FMN2: variants seen among roughly 807,000 people sequenced by gnomAD.
FMN2 encodes the protein formin 2.
In FMN2, 51 loss-of-function variants were observed where a neutral mutation model predicts 142.3. The observed-to-expected ratio is 0.36, with a 90% CI of 0.29 to 0.45. FMN2 has a LOEUF of 0.45. Among genes scored for constraint, FMN2 ranks in the 20% least tolerant of loss-of-function variants. The probability of loss-of-function intolerance (pLI) is 1.00; values close to 1 mark genes in which losing one functional copy is unlikely to be tolerated. For synonymous variants in FMN2, 882 were observed against 869.8 expected (o/e 1.01, Z -0.25); for missense variants, 1,936 against 2,122.8 (o/e 0.91, Z 1.73).
intron 4 of FMN2, among the ~76,000 whole-genome samples, chr1:240,199,642 G>A (rs1234211761): frequency 6.6e-6 from 1 of 152,158 alleles, no homozygotes; most frequent in African/African-American, 2.4e-5. Context: ...CAGGAATGGA[G>A]GAATTTTGGC....
chr1:240,344,874 C>T (rs1335472367), intron 13 of FMN2, among the ~76,000 whole-genome samples: 1 of 152,114 alleles, frequency 6.6e-6, no homozygotes, highest in Admixed American at 6.6e-5. Flanking sequence ...ATACTTTGCA[C>T]AAATGTTTGC....
In FMN2 at chr1:240,207,023, G is replaced by A. The variant is rs1249783646; in HGVS notation, c.2211G>A (p.Arg737=). The A allele has an allele frequency of 1.9e-6, 3 of 1,614,048 alleles. No individual in the cohort carries two copies. Among genetic ancestry groups the A allele is most frequent in the Non-Finnish European group, 2.5e-6 (3 of 1,180,010 alleles). The part of the protein sequence containing the change: ...RLEEKEVRHH[R]ILEAKSIQTS... ...AAGAAAAGGAAGTACGGCATCATAG[G>A]ATTTTAGAGGCGAAATCGATACAGA... The change falls in exon 5 of 18, where the codon AGG becomes AGA. Residue 737 remains arginine (R), a synonymous_variant. Transcript: ENST00000319653.
intron 16 of FMN2, among the ~76,000 whole-genome samples, chr1:240,462,712 C>A (rs1268135444): frequency 2.0e-5 from 3 of 152,114 alleles, no homozygotes; most frequent in Non-Finnish European, 4.4e-5. Context: ...ATAAAGATGA[C>A]TATACATGAC....
chr1:240,416,997 G>C (rs1461964034), intron 15 of FMN2, among the ~76,000 whole-genome samples: 1 of 151,472 alleles, frequency 6.6e-6, no homozygotes, highest in Non-Finnish European at 1.5e-5. Context: ...TTGTTGTTCA[G>C]TTATAACTTT....
chr1:240,143,663 C>T (rs1219552091), intron 2 of FMN2: 10 of 1,609,896 alleles, frequency 6.2e-6, no homozygotes, highest in South Asian at 1.1e-5. Flanking sequence ...AGGATTGCCT[C>T]GATGGCCTCA....
chr1:240,193,689 G>C (rs1199722101), intron 4 of FMN2, among the ~76,000 whole-genome samples: 2 of 152,238 alleles, frequency 1.3e-5, no homozygotes, highest in Non-Finnish European at 2.9e-5. Flanking sequence ...CTTCTCCCGG[G>C]CCTCCTTGGC....
Position 240,093,847 on chromosome 1 carries a change from G to T in FMN2, c.1615+123G>T, listed in dbSNP as rs146447052. On this transcript the variant is annotated intron_variant, in intron 1 of 17. Coordinates refer to ENST00000319653, the MANE Select transcript of FMN2 (RefSeq NM_020066.5). ...CCTGGTAGTGGCACATCTCTTCTCC[G>T]TAGGGAATCCTTTTCCGCCCAGCGA... 905 of 606,438 alleles carry T rather than the reference G, an allele frequency of 1.5e-3. 11 individuals carry two copies. In the African/African-American group the frequency reaches 0.016, roughly 11 times the overall value. 37.6% of individuals were successfully genotyped at this position (606,438 alleles called of 1,614,324 possible).
intron 8 of FMN2, among the ~76,000 whole-genome samples, chr1:240,323,603 G>A (rs1032417995): frequency 1.3e-5 from 2 of 152,144 alleles, no homozygotes; most frequent in Non-Finnish European, 2.9e-5. Context: ...GATCATCCAC[G>A]TGAAAGATCT....
rs1394168286 is a variant in FMN2, at chr1:240,355,813, C to T, written c.4766-3C>T. 2 of 1,606,282 alleles carry T rather than the reference C, an allele frequency of 1.2e-6. No individual in the cohort carries two copies. Among genetic ancestry groups the T allele is most frequent in the Non-Finnish European group, 1.7e-6 (2 of 1,173,904 alleles). On this transcript the variant is annotated splice_region_variant and splice_polypyrimidine_tract_variant and intron_variant, in intron 13 of 17. Coordinates refer to ENST00000319653, the MANE Select transcript of FMN2 (RefSeq NM_020066.5). ...CTCTAAATAATGTTCTGTCTAATTT[C>T]AGCCTGTGAAGTTGAAGCAGGGAAA...
At chr1:240,256,707 T>C (rs2014423) in intron 6 of FMN2, among the ~76,000 whole-genome samples, 104,111 of 151,954 alleles carry the variant, frequency 0.69, 36,298 homozygotes, top group East Asian at 0.84. Context: ...GCCGAGATCG[T>C]GCCACTGCAC....
At chr1:240,170,798 G>C in intron 2 of FMN2, 1 of 978,180 alleles carries the variant, frequency 1.0e-6, no homozygotes, top group Non-Finnish European at 1.7e-6. Flanking sequence ...GTTATCGTGG[G>C]CGGTAAAGTG....
At chr1:240,292,535 G>C (rs1464111508) in intron 7 of FMN2, among the ~76,000 whole-genome samples, 2 of 152,130 alleles carry the variant, frequency 1.3e-5, no homozygotes, top group East Asian at 3.9e-4. Context: ...CTGATGTATA[G>C]GAAACACCTC....
chr1:240,172,921 C>T (rs1368411387), intron 2 of FMN2, among the ~76,000 whole-genome samples: 1 of 133,524 alleles, frequency 7.5e-6, no homozygotes, highest in Admixed American at 7.0e-5. Flanking sequence ...AGCCAGTGGC[C>T]CTTTTTTTTG....
intron 14 of FMN2, among the ~76,000 whole-genome samples, chr1:240,382,174 A>C (rs1329720261): frequency 3.3e-5 from 5 of 152,206 alleles, no homozygotes; most frequent in Non-Finnish European, 7.3e-5. Context: ...ATTTCTGTAC[A>C]CGATTAACAT....
intron 2 of FMN2, among the ~76,000 whole-genome samples, chr1:240,160,148 G>A (rs1664222687): frequency 1.3e-5 from 2 of 150,600 alleles, no homozygotes; most frequent in South Asian, 4.2e-4. Flanking sequence ...AATAAAACCA[G>A]TCTTAGTATA....
At chr1:240,152,297 G>A (rs565894328) in intron 2 of FMN2, among the ~76,000 whole-genome samples, 7 of 131,318 alleles carry the variant, frequency 5.3e-5, no homozygotes, top group African/African-American at 7.8e-5. Flanking sequence ...TTGATACTCC[G>A]AGCTCATTTA....
intron 2 of FMN2, among the ~76,000 whole-genome samples, chr1:240,145,914 C>T (rs1345440566): frequency 2.0e-5 from 3 of 152,088 alleles, no homozygotes; most frequent in East Asian, 1.9e-4. Context: ...ACATTTGACA[C>T]AATAGCCTGC....
intron 6 of FMN2, among the ~76,000 whole-genome samples, chr1:240,217,732 ATAT>A (rs1360490174): frequency 3.9e-5 from 6 of 152,038 alleles, no homozygotes; most frequent in African/African-American, 1.4e-4. Flanking sequence ...GAATGCAATA[ATAT>A]TAACCTCTGC....
rs374743076 is a variant in FMN2, at chr1:240,330,645, G to A, written c.4480G>A (p.Val1494Ile). The change falls in exon 11 of 18, where the codon GTT (valine) becomes ATT (isoleucine). Residue 1494 changes from valine (V) to isoleucine (I), a missense_variant. Val to Ile is a conservative substitution (Grantham distance 29). This residue lies in a region of FMN2 where 322 missense variants were observed against 401.6 expected (regional missense o/e 0.80). Coordinates refer to ENST00000319653, the MANE Select transcript of FMN2 (RefSeq NM_020066.5). ...AGGGGTTATGCAGGTTCTAGGTTTGGTTCTTGCCTTTGGCAACTACATGAA... is the reference window on the plus strand; with the variant it reads ...AGGGGTTATGCAGGTTCTAGGTTTGATTCTTGCCTTTGGCAACTACATGAA... Reference protein sequence around the residue: ...GPGVMQVLGLVLAFGNYMNGG... With the variant: ...GPGVMQVLGLILAFGNYMNGG... The A allele has an allele frequency of 3.7e-6, 6 of 1,613,864 alleles. No individual in the cohort carries two copies. The Admixed American group carries it at 6.7e-5, about 18-fold the overall frequency.
Sources: allele counts gnomAD v4.1 joint callset (sites outside exome capture counted in the v4.1 genomes callset), GRCh38; gene constraint gnomAD v4.1.1; regional missense constraint gnomAD v4.1.1; transcripts MANE v1.5; gene names NCBI Gene and HGNC (gene_info 2026-07-23, HGNC 2026-07-21).